Variants in PARD3B observed in about 807,000 individuals in gnomAD.
The protein encoded by PARD3B is partitioning defective 3 homolog B.
In PARD3B, 103 loss-of-function variants were observed where a neutral mutation model predicts 130.2. The observed-to-expected ratio is 0.79, with a 90% CI of 0.67 to 0.93. PARD3B has a LOEUF of 0.93. Ranked by LOEUF, PARD3B falls within the 40% of genes least tolerant of loss-of-function variation. The probability of loss-of-function intolerance (pLI) is 0.00; values close to 1 mark genes in which losing one functional copy is unlikely to be tolerated. For synonymous variants in PARD3B, 583 were observed against 553.2 expected (o/e 1.05, Z -0.76); for missense variants, 1,609 against 1,499.2 (o/e 1.07, Z -1.21).
At chr2:204,910,002 G>A (rs1455503984) in intron 2 of PARD3B, among the ~76,000 whole-genome samples, 1 of 152,130 alleles carries the variant, frequency 6.6e-6, no homozygotes, top group Non-Finnish European at 1.5e-5. Flanking sequence ...ACAGGATTGT[G>A]TGTATAAGCT....
chr2:204,564,582 C>T (rs962270263), intron 1 of PARD3B, among the ~76,000 whole-genome samples: 7 of 151,914 alleles, frequency 4.6e-5, no homozygotes, highest in Middle Eastern at 3.2e-3. Context: ...TAACAAAGTG[C>T]CCATTACAAG....
chr2:205,115,065 C>T (rs1040993092), intron 6 of PARD3B, among the ~76,000 whole-genome samples: 4 of 152,092 alleles, frequency 2.6e-5, no homozygotes, highest in African/African-American at 4.8e-5. Flanking sequence ...TGGGATAGAG[C>T]ACAAGATCTT....
At chr2:204,585,743 C>T (rs892784968) in intron 1 of PARD3B, among the ~76,000 whole-genome samples, 6 of 152,108 alleles carry the variant, frequency 3.9e-5, no homozygotes, top group African/African-American at 1.4e-4. Context: ...TTAATACCTT[C>T]TTTCTGTGAC....
intron 21 of PARD3B, among the ~76,000 whole-genome samples, chr2:205,524,333 C>G (rs1235561994): frequency 6.6e-6 from 1 of 152,086 alleles, no homozygotes; most frequent in Non-Finnish European, 1.5e-5. Flanking sequence ...AGAAGAGTCC[C>G]CTCAAACCTC....
rs2106095360 is a variant in PARD3B, at chr2:205,421,762, A to G, written c.2742-18608A>G. ...TTAGTTTCACTGAGCTAGAGTCAAGATGTCAACTGAGCTGATTCCTTTTGC... is the reference window on the plus strand; with the variant it reads ...TTAGTTTCACTGAGCTAGAGTCAAGGTGTCAACTGAGCTGATTCCTTTTGC... On this transcript the variant is annotated intron_variant, in intron 19 of 22. Coordinates refer to ENST00000406610, the MANE Select transcript of PARD3B (RefSeq NM_001302769.2). The surrounding 1 kb of genome is among the most constrained non-coding windows in gnomAD (Gnocchi z 5.1). Among the ~76,000 whole-genome samples, 1 of 152,318 alleles carries G rather than the reference A, an allele frequency of 6.6e-6. No homozygotes were observed. The highest frequency in any genetic ancestry group is 1.9e-4 in the East Asian group (1 of 5,186).
intron 1 of PARD3B, among the ~76,000 whole-genome samples, chr2:204,582,826 A>G (rs1305648894): frequency 6.6e-6 from 1 of 152,118 alleles, no homozygotes; most frequent in East Asian, 1.9e-4. Context: ...TGCCATTCTA[A>G]CTGGTGTGAG....
intron 3 of PARD3B, among the ~76,000 whole-genome samples, chr2:205,020,975 GA>G (rs1286107947): frequency 1.3e-5 from 2 of 152,116 alleles, no homozygotes; most frequent in Admixed American, 6.5e-5. Flanking sequence ...AAGAACAGTT[GA>G]ACTGGAAATT....
intron 19 of PARD3B, among the ~76,000 whole-genome samples, chr2:205,434,763 C>T (rs924717694): frequency 1.3e-5 from 2 of 152,236 alleles, no homozygotes; most frequent in Non-Finnish European, 2.9e-5. Context: ...ACTGAGTTGA[C>T]AAAGGGATCA....
intron 3 of PARD3B, among the ~76,000 whole-genome samples, chr2:205,012,961 C>T (rs1669701843): frequency 6.6e-6 from 1 of 152,178 alleles, no homozygotes; most frequent in Non-Finnish European, 1.5e-5. Context: ...TAACCTTTAA[C>T]TTATCTAGCA....
intron 16 of PARD3B, among the ~76,000 whole-genome samples, chr2:205,275,805 C>A (rs373350119): frequency 1.8e-4 from 26 of 143,290 alleles, no homozygotes; most frequent in Middle Eastern, 3.9e-3. Flanking sequence ...CCATTGCACC[C>A]CAGCCTGAGC....
In PARD3B at chr2:205,321,119, A is replaced by T. The variant is rs571234542; in HGVS notation, c.2630+19418A>T. The stretch of plus-strand genomic sequence containing the variant: ...TAAATAATTGATGATAACTGTAGCT[A>T]AAACATTAATATAGTTTAGAGATGA... On this transcript the variant is annotated intron_variant, in intron 18 of 22. Transcript: ENST00000406610. The surrounding 1 kb of genome is among the most constrained non-coding windows in gnomAD (Gnocchi z 4.2). Among the ~76,000 whole-genome samples, 84 of 152,324 alleles carry T rather than the reference A, an allele frequency of 5.5e-4. No individual in the cohort carries two copies. Among genetic ancestry groups the T allele is most frequent in the African/African-American group, 2.0e-3 (82 of 41,574 alleles).
intron 20 of PARD3B, among the ~76,000 whole-genome samples, chr2:205,441,670 T>A (rs2047721142): frequency 6.6e-6 from 1 of 152,174 alleles, no homozygotes; most frequent in Non-Finnish European, 1.5e-5. Context: ...CCATTTACAT[T>A]TCCCCAGCTG....
In PARD3B at chr2:204,559,980, C is replaced by T. The variant is rs145371765; in HGVS notation, c.120+13861C>T. ...CCAGGTTCTCACTCATAGGTGGAAA[C>T]TGAACAATGAGAACACTTGGACACA... On this transcript the variant is annotated intron_variant, in intron 1 of 22. Transcript: ENST00000406610. Among the ~76,000 whole-genome samples, 1,412 of 150,842 alleles carry T rather than the reference C, an allele frequency of 9.4e-3. 22 individuals are homozygous for T. Among genetic ancestry groups the T allele is most frequent in the African/African-American group, 0.034 (1,373 of 40,972 alleles).
chr2:205,313,033 C>T (rs560033272), intron 18 of PARD3B, among the ~76,000 whole-genome samples: 15 of 152,074 alleles, frequency 9.9e-5, no homozygotes, highest in African/African-American at 3.6e-4. Flanking sequence ...AGAACTAGAA[C>T]CATAATATGG....
At position 205,154,902 on chromosome 2, in the gene PARD3B, G is replaced by A. The variant is rs557049013; in HGVS notation, c.1435-3820G>A. On this transcript the variant is annotated intron_variant, in intron 10 of 22. Coordinates refer to ENST00000406610, the MANE Select transcript of PARD3B (RefSeq NM_001302769.2). ...CACACCCAGGCCTGTTGTGGGGTGG[G>A]GGCCTGGGGGAGGGATAGCATTAGG... Among the ~76,000 whole-genome samples the A allele has an allele frequency of 2.6e-5, 4 of 152,208 alleles. No individual in the cohort carries two copies. In the East Asian group the frequency reaches 7.7e-4, roughly 29 times the overall value.
chr2:205,523,379 G>A (rs1575245642), intron 21 of PARD3B, among the ~76,000 whole-genome samples: 1 of 151,580 alleles, frequency 6.6e-6, no homozygotes, highest in East Asian at 1.9e-4. Context: ...GAGTAGCTGG[G>A]ATTACAGGCG....
At chr2:204,892,455 G>A (rs574120315) in intron 2 of PARD3B, among the ~76,000 whole-genome samples, 1 of 152,280 alleles carries the variant, frequency 6.6e-6, no homozygotes, top group Admixed American at 6.5e-5. Context: ...TATGGTAGCC[G>A]CTAGTCATGT....
intron 2 of PARD3B, among the ~76,000 whole-genome samples, chr2:204,803,583 T>G (rs2042653468): frequency 6.6e-6 from 1 of 152,142 alleles, no homozygotes; most frequent in Non-Finnish European, 1.5e-5. Flanking sequence ...GCCTACAGTT[T>G]TTATTAGTTT....
chr2:205,069,482 A>C (rs942658261), intron 4 of PARD3B, among the ~76,000 whole-genome samples: 1 of 152,154 alleles, frequency 6.6e-6, no homozygotes, highest in Admixed American at 6.5e-5. Flanking sequence ...CATTGAAGTG[A>C]CAGGTTTTCC....
Sources: gnomAD v4.1 joint callset for allele counts (sites outside exome capture counted in the v4.1 genomes callset) on GRCh38, gnomAD v4.1.1 for gene constraint, Gnocchi (gnomAD v3.1) non-coding constraint, MANE v1.5 for transcripts, NCBI Gene and HGNC (gene_info 2026-07-23, HGNC 2026-07-21) for gene names.